Variants in OR56A3 observed in about 807,000 individuals in gnomAD.
OR56A3 encodes the protein olfactory receptor 56A3.
A neutral mutation model predicts 17.5 loss-of-function variants in OR56A3; 23 were observed. The observed-to-expected ratio is 1.32, with a 90% CI of 0.95 to 1.87. The LOEUF is 1.87. OR56A3 is among the 40% of genes most tolerant of loss of function. OR56A3 has a pLI of 0.00. For synonymous variants in OR56A3, 175 were observed against 150.6 expected (o/e 1.16, Z -1.19); for missense variants, 366 against 380.1 (o/e 0.96, Z 0.31).
the OR56A3 span, among the ~76,000 whole-genome samples, chr11:5,965,929 T>TA: frequency 5.9e-5 from 9 of 151,790 alleles, no homozygotes; most frequent in African/African-American, 1.2e-4. Context: ...GACATAATGT[T>TA]AAAAAAAATG....
rs1488673467 is a variant in OR56A3 at position 5,947,770 on chromosome 11, G to A, written c.424G>A (p.Asp142Asn). ...ACTGAGATATCCATCAATCATCACTGATCACTTTGTAGTCAAGGCTGCCAT... is the reference window on the plus strand; with the variant it reads ...ACTGAGATATCCATCAATCATCACTAATCACTTTGTAGTCAAGGCTGCCAT... ...HPLRYPSIITDHFVVKAAMFI... is the reference protein window; with the variant it reads ...HPLRYPSIITNHFVVKAAMFI... The change falls in exon 3 of 3, where the codon GAT becomes AAT. Residue 142 changes from aspartate to asparagine, a missense_variant. Coordinates refer to ENST00000641160, the MANE Select transcript of OR56A3 (RefSeq NM_001003443.3). The A allele has an allele frequency of 6.2e-7, 1 of 1,614,100 alleles. No homozygotes were observed. Among genetic ancestry groups the A allele is most frequent in the East Asian group, 2.2e-5 (1 of 44,886 alleles).
At chr11:5,982,097 G>A in the OR56A3 span, among the ~76,000 whole-genome samples, 4 of 152,190 alleles carry the variant, frequency 2.6e-5, no homozygotes, top group Non-Finnish European at 5.9e-5. Context: ...TGCCAAAAGT[G>A]CTTCATCAGG....
the OR56A3 span, among the ~76,000 whole-genome samples, chr11:5,988,713 C>T: frequency 6.6e-6 from 1 of 151,860 alleles, no homozygotes; most frequent in Non-Finnish European, 1.5e-5. Context: ...ATATGTTTAC[C>T]TCTCATCATG....
the OR56A3 span, chr11:6,021,355 C>A: frequency 6.6e-6 from 1 of 151,924 alleles, no homozygotes; most frequent in Admixed American, 6.6e-5. Context: ...TGATAATAGT[C>A]AACAATATAT....
the OR56A3 span, among the ~76,000 whole-genome samples, chr11:5,985,610 C>A: frequency 6.6e-6 from 1 of 152,174 alleles, no homozygotes; most frequent in South Asian, 2.1e-4. Flanking sequence ...GACAGTGTTG[C>A]ATGGCCTACC....
the OR56A3 span, among the ~76,000 whole-genome samples, chr11:5,987,774 C>T: frequency 6.6e-6 from 1 of 152,144 alleles, no homozygotes; most frequent in East Asian, 1.9e-4. Context: ...TTCTTCTCAA[C>T]CCCCAATATC....
chr11:6,019,526 G>C, the OR56A3 span: 4 of 152,344 alleles, frequency 2.6e-5, no homozygotes, highest in African/African-American at 9.6e-5. Context: ...CAGAAGACAA[G>C]AAGGAGCAAC....
the OR56A3 span, among the ~76,000 whole-genome samples, chr11:5,958,913 A>T: frequency 6.6e-6 from 1 of 152,338 alleles, no homozygotes; most frequent in Non-Finnish European, 1.5e-5. Flanking sequence ...TATTTCACTT[A>T]ACATAATGCC....
At chr11:5,964,242 C>G in the OR56A3 span, among the ~76,000 whole-genome samples, 2 of 152,152 alleles carry the variant, frequency 1.3e-5, no homozygotes, top group South Asian at 4.1e-4. Context: ...ATTGCTGGCA[C>G]CTTACTTTGT....
chr11:6,020,529 C>T, the OR56A3 span: 1 of 152,216 alleles, frequency 6.6e-6, no homozygotes, highest in African/African-American at 2.4e-5. Context: ...TTTCACCTCC[C>T]TGAGTAGCTG....
the OR56A3 span, among the ~76,000 whole-genome samples, chr11:5,977,285 T>G: frequency 6.6e-6 from 1 of 152,184 alleles, no homozygotes; most frequent in African/African-American, 2.4e-5. Flanking sequence ...TTGAGAAATC[T>G]CCAAACTGCT....
At chr11:5,994,402 A>G in the OR56A3 span, 17 of 722,948 alleles carry the variant, frequency 2.4e-5, no homozygotes, top group Non-Finnish European at 4.1e-5. Context: ...AGCTCGTCGT[A>G]TTGTTCCTGA....
the OR56A3 span, among the ~76,000 whole-genome samples, chr11:5,970,251 A>G: frequency 1.3e-5 from 2 of 152,362 alleles, no homozygotes; most frequent in Admixed American, 1.3e-4. Flanking sequence ...AGAATATATA[A>G]ATTAAAGACA....
chr11:5,974,263 C>T, the OR56A3 span, among the ~76,000 whole-genome samples: 3 of 152,006 alleles, frequency 2.0e-5, no homozygotes, highest in African/African-American at 7.3e-5. Flanking sequence ...TCCACCACCA[C>T]GCCTGGCTAA....
the OR56A3 span, among the ~76,000 whole-genome samples, chr11:6,016,836 G>A: frequency 3.8e-3 from 536 of 142,600 alleles, 4 homozygotes; most frequent in African/African-American, 0.014. Flanking sequence ...AAAAAGAAAA[G>A]AAACAGAAAA....
chr11:5,997,124 A>C, the OR56A3 span, among the ~76,000 whole-genome samples: 2 of 152,120 alleles, frequency 1.3e-5, no homozygotes, highest in Non-Finnish European at 2.9e-5. Flanking sequence ...AAGAACCTTC[A>C]CTCTGGAAAT....
chr11:5,968,821 T>C, the OR56A3 span, among the ~76,000 whole-genome samples: 1 of 152,100 alleles, frequency 6.6e-6, no homozygotes, highest in African/African-American at 2.4e-5. Flanking sequence ...ACAAAGCAAA[T>C]TGAATAATTA....
the OR56A3 span, chr11:5,994,718 C>G: frequency 1.2e-6 from 1 of 822,864 alleles, no homozygotes; most frequent in Non-Finnish European, 2.1e-6. Context: ...CAGAATGATG[C>G]GGGCATTGTC....
chr11:5,982,371 G>A, the OR56A3 span, among the ~76,000 whole-genome samples: 1 of 152,168 alleles, frequency 6.6e-6, no homozygotes, highest in Non-Finnish European at 1.5e-5. Context: ...CAGGGTGCAG[G>A]TGAGTGCATG....
Sources: gnomAD v4.1 joint callset for allele counts (sites outside exome capture counted in the v4.1 genomes callset) on GRCh38, gnomAD v4.1.1 for gene constraint, MANE v1.5 for transcripts, NCBI Gene and HGNC (gene_info 2026-07-23, HGNC 2026-07-21) for gene names.